LTBP1: variants seen among roughly 807,000 people sequenced by gnomAD.
LTBP1 encodes latent-transforming growth factor beta-binding protein 1.
A neutral mutation model predicts 207.6 loss-of-function variants in LTBP1; 129 were observed. The observed-to-expected ratio is 0.62, with a 90% CI of 0.54 to 0.72. The LOEUF (loss-of-function observed/expected upper bound fraction) is 0.72, where lower values mean the gene tolerates loss of function less well. Among genes scored for constraint, LTBP1 ranks in the 30% least tolerant of loss-of-function variants. The pLI is 0.00. For synonymous variants in LTBP1, 963 were observed against 833.7 expected, an observed-to-expected ratio of 1.16 and a Z score of -2.67; for missense variants, 2,281 against 2,217.2, an observed-to-expected ratio of 1.03 and a Z score of -0.58.
chr2:32,948,969 C>T, intron 2 of LTBP1, 24 bp downstream of exon 2: 1 of 1,613,264 alleles, frequency 6.2e-7, no homozygotes, highest in South Asian at 1.1e-5. Flanking sequence ...TTCACAGTGG[C>T]CCTGCACAGT....
intron 7 of LTBP1, among the ~76,000 whole-genome samples, chr2:33,207,504 TAAAAA>T (rs57548872): frequency 6.6e-6 from 1 of 151,852 alleles, no homozygotes; most frequent in African/African-American, 2.4e-5. Context: ...TGAGTGGACT[TAAAAA>T]AAAGAAAGAA....
chr2:33,129,122 GA>G (rs1032578151), intron 4 of LTBP1, among the ~76,000 whole-genome samples: 1 of 152,012 alleles, frequency 6.6e-6, no homozygotes, highest in Non-Finnish European at 1.5e-5. Context: ...CAATGATGGG[GA>G]AAAAAAAGTA....
chr2:33,225,277 A>T (rs544914260), intron 9 of LTBP1, among the ~76,000 whole-genome samples: 1 of 152,176 alleles, frequency 6.6e-6, no homozygotes, highest in Non-Finnish European at 1.5e-5. Context: ...TCTTCCTTCT[A>T]CCTATTTGAA....
At chr2:33,175,658 A>G (rs991536597) in intron 5 of LTBP1, among the ~76,000 whole-genome samples, 1 of 152,216 alleles carries the variant, frequency 6.6e-6, no homozygotes, top group Admixed American at 6.5e-5. Flanking sequence ...TACTGGGTAT[A>G]TACCCAAAGG....
At chr2:33,310,853 C>T (rs2094175429) in intron 23 of LTBP1, among the ~76,000 whole-genome samples, 1 of 152,106 alleles carries the variant, frequency 6.6e-6, no homozygotes, top group African/African-American at 2.4e-5. Flanking sequence ...TTATATTTTC[C>T]ATGGAAAATT....
chr2:33,336,896 A>G (rs2094559684), intron 24 of LTBP1, among the ~76,000 whole-genome samples: 1 of 152,238 alleles, frequency 6.6e-6, no homozygotes, highest in Non-Finnish European at 1.5e-5. Flanking sequence ...TCTTTCCAAT[A>G]TACATCATTT....
chr2:33,364,475 T>A (rs2094961093), intron 30 of LTBP1, 119 bp downstream of exon 30: 5 of 949,768 alleles, frequency 5.3e-6, no homozygotes, highest in Admixed American at 2.9e-5. Flanking sequence ...TTGAAATAAC[T>A]AAAATGAGAT....
intron 7 of LTBP1, among the ~76,000 whole-genome samples, chr2:33,205,113 A>G (rs904375187): frequency 6.6e-6 from 1 of 152,220 alleles, no homozygotes; most frequent in Admixed American, 6.5e-5. Context: ...ATATGGACAG[A>G]TCAATGTCAA....
intron 7 of LTBP1, among the ~76,000 whole-genome samples, chr2:33,211,872 A>G (rs555407267): frequency 1.3e-5 from 2 of 152,278 alleles, no homozygotes; most frequent in African/African-American, 2.4e-5. Flanking sequence ...TTCCTCTCAC[A>G]TTGATAGGCA....
intron 5 of LTBP1, among the ~76,000 whole-genome samples, chr2:33,156,984 C>G (rs764980517): frequency 2.0e-5 from 3 of 152,124 alleles, no homozygotes; most frequent in Non-Finnish European, 4.4e-5. Context: ...AATTTACAAA[C>G]TTGACAGGTC....
Position 33,158,417 on chromosome 2 carries a change from G to A in LTBP1, c.1201+23457G>A, listed in dbSNP as rs1395317207. Among the ~76,000 whole-genome samples the A allele has an allele frequency of 2.6e-5, 4 of 152,186 alleles. No homozygotes were observed. The East Asian group carries it at 5.8e-4, about 22-fold the overall frequency. Reference sequence around the variant, plus strand: ...CACAGAAGGCTACTTACTGCCCACCGGAGCTTCTGCAGGGCCTGATAATGA... The same window carrying A: ...CACAGAAGGCTACTTACTGCCCACCAGAGCTTCTGCAGGGCCTGATAATGA... On this transcript the variant is annotated intron_variant, in intron 5 of 33. Coordinates refer to ENST00000404816, the MANE Select transcript of LTBP1 (RefSeq NM_206943.4).
chr2:33,068,537 A>G (rs1349569384), intron 3 of LTBP1, among the ~76,000 whole-genome samples: 1 of 152,194 alleles, frequency 6.6e-6, no homozygotes, highest in Non-Finnish European at 1.5e-5. Flanking sequence ...TGTATCTGCC[A>G]TTACAGCATC....
chr2:33,233,836 GCTAA>G (rs1558859084), intron 9 of LTBP1, among the ~76,000 whole-genome samples: 2 of 151,828 alleles, frequency 1.3e-5, no homozygotes, highest in African/African-American at 4.8e-5. Context: ...TATATATTTT[GCTAA>G]CTTTTTTTTT....
At chr2:33,263,771 G>A (rs181928603) in intron 15 of LTBP1, among the ~76,000 whole-genome samples, 68 of 151,814 alleles carry the variant, frequency 4.5e-4, no homozygotes, top group Non-Finnish European at 9.1e-4. Flanking sequence ...GGCCAACATG[G>A]CGAAACCCCG....
intron 2 of LTBP1, among the ~76,000 whole-genome samples, chr2:32,982,522 A>G (rs1405394733): frequency 6.6e-6 from 1 of 152,154 alleles, no homozygotes; most frequent in African/African-American, 2.4e-5. Context: ...AATCACCAAG[A>G]CAGTGGGGAA....
intron 5 of LTBP1, among the ~76,000 whole-genome samples, chr2:33,135,855 C>T (rs1359384911): frequency 2.6e-5 from 4 of 152,160 alleles, no homozygotes; most frequent in African/African-American, 9.7e-5. Flanking sequence ...CAGACACCCA[C>T]GTTACTTTCT....
chr2:33,331,338 A>C (rs1193264112), intron 24 of LTBP1, among the ~76,000 whole-genome samples: 1 of 151,710 alleles, frequency 6.6e-6, no homozygotes, highest in East Asian at 1.9e-4. Flanking sequence ...CAATCTTCTA[A>C]TATTTGTATT....
At chr2:32,992,348 C>G (rs954752815) in intron 2 of LTBP1, among the ~76,000 whole-genome samples, 1 of 152,092 alleles carries the variant, frequency 6.6e-6, no homozygotes, top group Non-Finnish European at 1.5e-5. Flanking sequence ...GGGAGATAGG[C>G]AGGTAGGATA....
chr2:33,197,020 A>T (rs1352794828), intron 7 of LTBP1, among the ~76,000 whole-genome samples: 1 of 152,206 alleles, frequency 6.6e-6, no homozygotes, highest in Non-Finnish European at 1.5e-5. Context: ...GCCAACCTGT[A>T]GGGAAAAAAA....
Sources: allele counts gnomAD v4.1 joint callset (sites outside exome capture counted in the v4.1 genomes callset), GRCh38; gene constraint gnomAD v4.1.1; transcripts MANE v1.5; gene names NCBI Gene and HGNC (gene_info 2026-07-23, HGNC 2026-07-21).